The following COL5A1 variants were observed in gnomAD, a reference collection of about 807,000 sequenced individuals.
The protein encoded by COL5A1 is collagen type V alpha 1 chain.
A neutral mutation model predicts 263.7 loss-of-function variants in COL5A1; 16 were observed. That is an observed-to-expected ratio of 0.06 (90% confidence interval 0.04 to 0.09). The LOEUF is 0.09. Among genes scored for constraint, COL5A1 ranks in the 10% least tolerant of loss-of-function variants. The pLI is 1.00. For synonymous variants in COL5A1, 1,012 were observed against 1,004.5 expected (o/e 1.01, Z -0.14); for missense variants, 2,036 against 2,540.5 (o/e 0.80, Z 4.27).
At chr9:134,759,443 ACAC>A (rs1836154100) in intron 18 of COL5A1, among the ~76,000 whole-genome samples, 1 of 110,196 alleles carries the variant, frequency 9.1e-6, no homozygotes, top group African/African-American at 5.0e-5. Flanking sequence ...GCACACACCC[ACAC>A]CCACACACTC....
Position 134,825,775 on chromosome 9 carries a change from C to G in COL5A1, c.4955-17C>G. 6.4e-7 allele frequency: 1 copy of G among 1,563,698 alleles called. No individual in the cohort carries two copies. Among genetic ancestry groups the G allele is most frequent in the African/African-American group, 1.4e-5 (1 of 74,042 alleles). ...CTTCTGACTCTGCCTGCCTCCCTCCCCGTCTCTGAAATCCAGGTGAATACT... is the reference window on the plus strand; with the variant it reads ...CTTCTGACTCTGCCTGCCTCCCTCCGCGTCTCTGAAATCCAGGTGAATACT... On this transcript the variant is annotated splice_polypyrimidine_tract_variant and intron_variant, in intron 62 of 65. Coordinates refer to ENST00000371817, the MANE Select transcript of COL5A1 (RefSeq NM_000093.5).
In COL5A1 at chr9:134,690,952, C is replaced by G. The variant is rs897432620; in HGVS notation, c.150C>G (p.Asn50Lys). The change falls in exon 2 of 66, where the codon AAC (asparagine) becomes AAG (lysine). Residue 50 changes from asparagine to lysine, a missense_variant. This residue lies in a region of COL5A1 where 600 missense variants were observed against 634.5 expected (regional missense o/e 0.95). Coordinates refer to ENST00000371817, the MANE Select transcript of COL5A1 (RefSeq NM_000093.5). ...TCCTGAAGGTTCTAGATTTTCACAA[C>G]TTGCCTGATGGAATAACAAAGACAA... ...ADLLKVLDFH[N>K]LPDGITKTTG... 1.2e-6 allele frequency: 2 copies of G among 1,613,890 alleles called. No individual in the cohort carries two copies. Among genetic ancestry groups the G allele is most frequent in the Non-Finnish European group, 1.7e-6 (2 of 1,180,054 alleles).
intron 1 of COL5A1, among the ~76,000 whole-genome samples, chr9:134,690,151 A>G (rs1387227810): frequency 6.6e-6 from 1 of 152,068 alleles, no homozygotes; most frequent in East Asian, 1.9e-4. Flanking sequence ...CCCTGGATAG[A>G]GGGTCAGGAA....
chr9:134,774,730 G>C (rs1253678647), intron 26 of COL5A1, 129 bp from the exon 27 acceptor site: 3 of 939,842 alleles, frequency 3.2e-6, no homozygotes, highest in Non-Finnish European at 5.1e-6. Context: ...GGCCTCTCTG[G>C]AGGCTCTGAG....
intron 52 of COL5A1, among the ~76,000 whole-genome samples, chr9:134,816,426 G>A (rs1257127748): frequency 1.3e-5 from 2 of 152,252 alleles, no homozygotes; most frequent in African/African-American, 2.4e-5. Flanking sequence ...AGCCCAGAAC[G>A]TCTTTCTGGG....
intron 4 of COL5A1, among the ~76,000 whole-genome samples, chr9:134,702,442 C>T (rs982254486): frequency 1.4e-4 from 21 of 151,860 alleles, no homozygotes; most frequent in Non-Finnish European, 2.4e-4. Flanking sequence ...CGGCTGCCCC[C>T]GTTTCATGGC....
intron 52 of COL5A1, among the ~76,000 whole-genome samples, chr9:134,816,428 C>G (rs980731352): frequency 2.0e-5 from 3 of 152,264 alleles, no homozygotes; most frequent in Non-Finnish European, 4.4e-5. Flanking sequence ...CCCAGAACGT[C>G]TTTCTGGGAC....
chr9:134,838,407 G>T (rs1356425596), intron 65 of COL5A1, among the ~76,000 whole-genome samples: 1 of 152,236 alleles, frequency 6.6e-6, no homozygotes, highest in African/African-American at 2.4e-5. Flanking sequence ...GCTCCTTCCT[G>T]TCTCCCATGG....
intron 1 of COL5A1, among the ~76,000 whole-genome samples, chr9:134,669,494 C>T (rs972504104): frequency 1.3e-5 from 2 of 151,888 alleles, no homozygotes; most frequent in African/African-American, 2.4e-5. Flanking sequence ...GGGTGGTTTA[C>T]GACCATCTCA....
rs773909152 is a variant in COL5A1 at position 134,814,802 on chromosome 9, C to T, written c.3912C>T (p.Pro1304=). 134 of 1,551,610 alleles carry T rather than the reference C, an allele frequency of 8.6e-5. No homozygotes were observed. The highest frequency in any genetic ancestry group is 1.1e-4 in the Non-Finnish European group (130 of 1,147,064). Residue 1304 remains proline, a synonymous_variant, in exon 50 of 66, where the codon CCC becomes CCT. Coordinates refer to ENST00000371817, the MANE Select transcript of COL5A1 (RefSeq NM_000093.5). ...CACTGGCCTCTTTCCTCCAGGGACC[C>T]AAAGGAGAAAGGGGAGAGAAGGGCG... is the stretch of plus-strand genomic sequence containing the variant. ...GLPGEGGPPG[P]KGERGEKGES...
At chr9:134,684,268 C>T (rs1007514232) in intron 1 of COL5A1, among the ~76,000 whole-genome samples, 30 of 152,188 alleles carry the variant, frequency 2.0e-4, no homozygotes, top group Non-Finnish European at 4.4e-4. Context: ...AAGCAGCCAT[C>T]TCATTCCATC....
chr9:134,786,061 C>T lies in COL5A1; in HGVS notation c.2646+13C>T, dbSNP rs755992180. On this transcript the variant is annotated intron_variant, in intron 31 of 65. Transcript: ENST00000371817. ...ACAAGGACCAAAGGTAACTTCTGGCCGTGTTAGGTGTCCCGGGACAGGCGG... is the reference window on the plus strand; with the variant it reads ...ACAAGGACCAAAGGTAACTTCTGGCTGTGTTAGGTGTCCCGGGACAGGCGG... The T allele has an allele frequency of 8.7e-6, 14 of 1,608,400 alleles. No individual in the cohort carries two copies. The African/African-American group carries it at 1.2e-4, about 14-fold the overall frequency.
At position 134,822,455 on chromosome 9, in the gene COL5A1, C is replaced by T. The variant is rs539277786; in HGVS notation, c.4608+305C>T. Among the ~76,000 whole-genome samples, 32 of 152,288 alleles carry T rather than the reference C, an allele frequency of 2.1e-4. 1 individual carries two copies. The South Asian group carries it at 6.6e-3, about 32-fold the overall frequency. On this transcript the variant is annotated intron_variant, in intron 59 of 65. Coordinates refer to ENST00000371817, the MANE Select transcript of COL5A1 (RefSeq NM_000093.5). Reference sequence around the variant, plus strand: ...AGGGTGCGGAAGGTAGTAGTTGGCTCTCCAGCCCTCCCAATTCCCAGGAGC... The same window carrying T: ...AGGGTGCGGAAGGTAGTAGTTGGCTTTCCAGCCCTCCCAATTCCCAGGAGC...
intron 31 of COL5A1, among the ~76,000 whole-genome samples, chr9:134,788,711 G>A (rs981240043): frequency 1.4e-5 from 2 of 145,270 alleles, no homozygotes; most frequent in African/African-American, 2.5e-5. Flanking sequence ...GTAAACAGGT[G>A]TATGAATGGG....
Position 134,843,465 on chromosome 9 carries a change from C to CTGT in COL5A1, c.*1164_*1166dup, listed in dbSNP as rs1830160093. 6.5e-6 allele frequency: 1 copy of CTGT among 152,700 alleles called. No homozygotes were observed. Among genetic ancestry groups the CTGT allele is most frequent in the South Asian group, 2.1e-4 (1 of 4,828 alleles). 9.5% of individuals were successfully genotyped at this position (152,700 alleles called of 1,614,324 possible). On this transcript the variant is annotated 3_prime_UTR_variant, in exon 66 of 66. Transcript: ENST00000371817. ...CCTCGTTCTCCCTGCTTTCTTTATC[C>CTGT]TGTTATTGCCTCCACAGTCTGTTGC...
chr9:134,688,200 C>T (rs960286543), intron 1 of COL5A1, among the ~76,000 whole-genome samples: 2 of 152,192 alleles, frequency 1.3e-5, no homozygotes, highest in African/African-American at 4.8e-5. Flanking sequence ...GTCCACCAAG[C>T]CTGCTGGAAA....
chr9:134,838,902 TG>T (rs1839929666), intron 65 of COL5A1, among the ~76,000 whole-genome samples: 1 of 152,186 alleles, frequency 6.6e-6, no homozygotes, highest in Admixed American at 6.5e-5. Context: ...GGGGCGGCCA[TG>T]GGGGTGGCAT....
intron 1 of COL5A1, among the ~76,000 whole-genome samples, chr9:134,667,175 G>A (rs1832385311): frequency 6.6e-6 from 1 of 152,160 alleles, no homozygotes; most frequent in Admixed American, 6.5e-5. Context: ...CAGAACTTCT[G>A]TGGGCTCAGT....
chr9:134,809,160 C>G, intron 42 of COL5A1, 23 bp from the exon 43 acceptor site: 1 of 1,550,722 alleles, frequency 6.4e-7, no homozygotes, highest in South Asian at 1.2e-5. Flanking sequence ...CACGTTTGAC[C>G]TGAGATCTTC....
Sources: allele counts gnomAD v4.1 joint callset (sites outside exome capture counted in the v4.1 genomes callset), GRCh38; gene constraint gnomAD v4.1.1; regional missense constraint gnomAD v4.1.1; transcripts MANE v1.5; gene names NCBI Gene and HGNC (gene_info 2026-07-23, HGNC 2026-07-21).